The following IP6K2 variants were observed in gnomAD, a reference collection of about 807,000 sequenced individuals.
The protein encoded by IP6K2 is inositol hexakisphosphate kinase 2, also known as ATP:1D-myo-inositol-hexakisphosphate phosphotransferase.
Under a neutral mutation model 43.3 loss-of-function variants are expected in IP6K2, and 9 were observed. That is an observed-to-expected ratio of 0.21 (90% confidence interval 0.13 to 0.36). IP6K2 has a LOEUF of 0.36. IP6K2 is among the 10% of genes least tolerant of loss of function. IP6K2 has a pLI of 1.00. For synonymous variants in IP6K2, 209 were observed against 202.4 expected (o/e 1.03, Z -0.28); for missense variants, 332 against 538.4 (o/e 0.62, Z 3.79).
At chr3:48,710,813 G>A (rs1207493871) in intron 1 of IP6K2, among the ~76,000 whole-genome samples, 2 of 152,146 alleles carry the variant, frequency 1.3e-5, no homozygotes, top group East Asian at 3.8e-4. Context: ...GTTTCACCGT[G>A]TTAGCCAGGA....
intron 1 of IP6K2, among the ~76,000 whole-genome samples, chr3:48,707,684 C>T (rs1334599840): frequency 6.6e-6 from 1 of 152,138 alleles, no homozygotes; most frequent in Non-Finnish European, 1.5e-5. Flanking sequence ...GTGATCCGCC[C>T]CCCTTGGCCT....
At chr3:48,713,361 GT>G (rs1053390303) in intron 1 of IP6K2, among the ~76,000 whole-genome samples, 2 of 152,176 alleles carry the variant, frequency 1.3e-5, no homozygotes, top group Admixed American at 6.5e-5. Context: ...AACAGGTAGG[GT>G]TTTAAGGTAG....
At chr3:48,714,997 C>CA (rs1316166932) in intron 1 of IP6K2, among the ~76,000 whole-genome samples, 1 of 152,042 alleles carries the variant, frequency 6.6e-6, no homozygotes, top group African/African-American at 2.4e-5. Flanking sequence ...TTGACTTCTC[C>CA]AAATCCTGAA....
At chr3:48,701,693 T>C (rs1452308216) in intron 1 of IP6K2, among the ~76,000 whole-genome samples, 1 of 150,886 alleles carries the variant, frequency 6.6e-6, no homozygotes, top group Non-Finnish European at 1.5e-5. Context: ...GGTCAGGAGT[T>C]CGAGACTAGC....
intron 2 of IP6K2, chr3:48,693,689 AAAAC>A: frequency 9.2e-7 from 1 of 1,084,950 alleles, no homozygotes; most frequent in Non-Finnish European, 1.1e-6. Flanking sequence ...AGGGGCAAAC[AAAAC>A]AAACCACACA....
intron 1 of IP6K2, chr3:48,715,491 G>C (rs1297280449): frequency 1.3e-6 from 2 of 1,531,470 alleles, no homozygotes; most frequent in South Asian, 2.4e-5. Flanking sequence ...ACAGATACAG[G>C]GCTAGCATAC....
intron 2 of IP6K2, chr3:48,693,852 G>A (rs1299023968): frequency 1.7e-5 from 20 of 1,160,686 alleles, no homozygotes; most frequent in African/African-American, 3.2e-5. Flanking sequence ...AGAGCTGGTT[G>A]GGGAGCACAG....
At chr3:48,693,885 G>T in intron 2 of IP6K2, 1 of 1,219,804 alleles carries the variant, frequency 8.2e-7, no homozygotes, top group East Asian at 3.8e-5. Flanking sequence ...CTTGAAAGCA[G>T]CTTTTCCCCT....
At position 48,695,490 on chromosome 3, in the gene IP6K2, C is replaced by A; in HGVS notation, c.-130-69G>T. The A allele has an allele frequency of 7.7e-7, 1 of 1,304,826 alleles. No individual in the cohort carries two copies. Among genetic ancestry groups the A allele is most frequent in the East Asian group, 2.7e-5 (1 of 36,438 alleles). The allele number at this position is 1,304,826 out of a possible 1,614,324, so 80.8% of individuals were successfully genotyped here. Reference sequence around the variant, plus strand: ...GGGAAGTGCCTTAGAGCTGCTCACCCTGCTCCTTCAGCAGAAAGACAAAGA... The same window carrying A: ...GGGAAGTGCCTTAGAGCTGCTCACCATGCTCCTTCAGCAGAAAGACAAAGA... On this transcript the variant is annotated intron_variant, in intron 1 of 5. Transcript: ENST00000328631. This position sits in a 1 kb window ranked among gnomAD's most constrained non-coding sequence, Gnocchi z 4.6.
intron 5 of IP6K2, among the ~76,000 whole-genome samples, chr3:48,689,264 T>G (rs190210552): frequency 6.6e-6 from 1 of 152,308 alleles, no homozygotes; most frequent in East Asian, 1.9e-4. Flanking sequence ...GCTGTTTTCA[T>G]GCCTCAGCCT....
intron 4 of IP6K2, 57 bp downstream of exon 4, chr3:48,691,250 T>TC: frequency 7.0e-7 from 1 of 1,420,470 alleles, no homozygotes; most frequent in Non-Finnish European, 9.7e-7. Flanking sequence ...CCAAGGGACT[T>TC]CCTCATTTCC....
chr3:48,715,825 C>A (rs919911943), intron 1 of IP6K2, among the ~76,000 whole-genome samples: 1 of 146,804 alleles, frequency 6.8e-6, no homozygotes, highest in Admixed American at 7.0e-5. Context: ...CCTGTGAATT[C>A]TAAAGTCACA....
At chr3:48,702,681 C>G (rs1363192097) in intron 1 of IP6K2, among the ~76,000 whole-genome samples, 1 of 152,138 alleles carries the variant, frequency 6.6e-6, no homozygotes, top group South Asian at 2.1e-4. Context: ...CTGGGGCACC[C>G]CTGCTTTATT....
intron 2 of IP6K2, chr3:48,694,576 AG>A: frequency 6.6e-7 from 1 of 1,524,994 alleles, no homozygotes; most frequent in Non-Finnish European, 8.8e-7. Flanking sequence ...TGTGAATCGA[AG>A]GGTTGCTTTC....
At chr3:48,698,472 T>C (rs2078658362) in intron 1 of IP6K2, among the ~76,000 whole-genome samples, 2 of 151,988 alleles carry the variant, frequency 1.3e-5, no homozygotes, top group African/African-American at 4.8e-5. Flanking sequence ...CTCTACAATT[T>C]TTTTGTTTTT....
rs2077510333 is a variant in IP6K2 at position 48,688,428 on chromosome 3, A to G, written c.1126T>C (p.Ser376Pro). 1.2e-6 allele frequency: 2 copies of G among 1,614,080 alleles called. No individual in the cohort carries two copies. The highest frequency in any genetic ancestry group is 2.2e-5 in the South Asian group (2 of 91,086). Residue 376 changes from serine to proline, a missense_variant, in exon 6 of 6, where the codon TCT (serine) becomes CCT (proline). By Grantham distance (74) the Ser-to-Pro change is moderately conservative. Coordinates refer to ENST00000328631, the MANE Select transcript of IP6K2 (RefSeq NM_016291.4). The surrounding 1 kb of genome is among the most constrained non-coding windows in gnomAD (Gnocchi z 5.1). ...AYAYKPIGAS[S>P]VDVRMIDFAH... ...AAGTCGATCATGCGCACATCTACAG[A>G]GCTGGCGCCGATGGGTTTGTAGGCA...
Position 48,695,613 on chromosome 3 carries a change from G to C in IP6K2, c.-130-192C>G. The C allele has an allele frequency of 1.6e-6, 1 of 623,638 alleles. No homozygotes were observed. The highest frequency in any genetic ancestry group is 2.3e-6 in the Non-Finnish European group (1 of 428,344). The allele number at this position is 623,638 out of a possible 1,614,324, so 38.6% of individuals were successfully genotyped here. ...CAAAAACACTATGAGCTCATGGGGC[G>C]GGGTTAGATGCAGACAGGCAGGGAA... On this transcript the variant is annotated intron_variant, in intron 1 of 5. Transcript: ENST00000328631. The surrounding 1 kb of genome is among the most constrained non-coding windows in gnomAD (Gnocchi z 4.6).
intron 1 of IP6K2, among the ~76,000 whole-genome samples, chr3:48,697,194 G>GT (rs2078458399): frequency 6.6e-6 from 1 of 151,142 alleles, no homozygotes; most frequent in Non-Finnish European, 1.5e-5. Flanking sequence ...CTAATTTTTT[G>GT]TATTTTTAGT....
In IP6K2 at chr3:48,695,363, G is replaced by A; in HGVS notation, c.-72C>T. 6.6e-7 allele frequency: 1 copy of A among 1,507,892 alleles called. No homozygotes were observed. Among genetic ancestry groups the A allele is most frequent in the Non-Finnish European group, 8.9e-7 (1 of 1,127,952 alleles). The allele number at this position is 1,507,892 out of a possible 1,614,324, so 93.4% of individuals were successfully genotyped here. On this transcript the variant is annotated 5_prime_UTR_variant, in exon 2 of 6. Coordinates refer to ENST00000328631, the MANE Select transcript of IP6K2 (RefSeq NM_016291.4). This position sits in a 1 kb window ranked among gnomAD's most constrained non-coding sequence, Gnocchi z 4.6. The stretch of plus-strand genomic sequence containing the variant: ...GCGGCCAGTACGTCTTCTGTCTGTT[G>A]TTTGTCCGTGTGTCCCTCTCGTCTT...
Sources: allele counts gnomAD v4.1 joint callset (sites outside exome capture counted in the v4.1 genomes callset), GRCh38; gene constraint gnomAD v4.1.1; non-coding constraint Gnocchi (gnomAD v3.1); transcripts MANE v1.5; gene names NCBI Gene and HGNC (gene_info 2026-07-23, HGNC 2026-07-21).